The following CEP76 variants were observed in gnomAD, a reference collection of about 807,000 sequenced individuals.
The protein encoded by CEP76 is centrosomal protein 76, also known as centrosomal protein of 76 kDa.
A neutral mutation model predicts 83.3 loss-of-function variants in CEP76; 55 were observed. That is an observed-to-expected ratio of 0.66 (90% CI 0.53 to 0.83). The LOEUF (loss-of-function observed/expected upper bound fraction) is 0.83. CEP76 is among the 40% of genes least tolerant of loss of function. The pLI, the probability that CEP76 is intolerant of heterozygous loss-of-function variation, is 0.00. For synonymous variants in CEP76, 270 were observed against 274.5 expected (o/e 0.98, Z 0.16); for missense variants, 694 against 799.5 (o/e 0.87, Z 1.59).
In CEP76 at chr18:12,677,184, G is replaced by A. The variant is rs148764950; in HGVS notation, c.1623+925C>T. On this transcript the variant is annotated intron_variant, in intron 10 of 11. Coordinates refer to ENST00000262127, the MANE Select transcript of CEP76 (RefSeq NM_024899.4). ...GAGGCTTGATCTGGCTGGGCGCAGT[G>A]GCTCACAACTGTAATCCCAGCACTT... Among the ~76,000 whole-genome samples, 174 of 152,186 alleles carry A rather than the reference G, an allele frequency of 1.1e-3. 1 individual carries two copies. Among genetic ancestry groups the A allele is most frequent in the East Asian group, 7.1e-3 (37 of 5,182 alleles).
chr18:12,663,625 A>T (rs1451497612), intron 12 of CEP76, among the ~76,000 whole-genome samples: 1 of 152,230 alleles, frequency 6.6e-6, no homozygotes, highest in Non-Finnish European at 1.5e-5. Context: ...ATAATTGCTT[A>T]AAAATGGAGA....
chr18:12,699,094 C>T lies in CEP76; in HGVS notation c.405G>A (p.Thr135=), dbSNP rs144883006. 1.4e-5 allele frequency: 22 copies of T among 1,613,982 alleles called. No homozygotes were observed. The highest frequency in any genetic ancestry group is 1.7e-5 in the Admixed American group (1 of 60,012). Residue 135 remains threonine (T), a synonymous_variant, in exon 4 of 12, where the codon ACG becomes ACA. Transcript: ENST00000262127. The part of the protein sequence containing the change: ...PEPLPGQVCS[T]FTLCLHYRNQ... ...TTCGATAATGTAAACATAAAGTAAA[C>T]GTTGAACAAACTTGTCCAGGTAAAG...
intron 9 of CEP76, among the ~76,000 whole-genome samples, chr18:12,678,791 G>C (rs1330203790): frequency 6.6e-6 from 1 of 151,798 alleles, no homozygotes; most frequent in African/African-American, 2.4e-5. Context: ...CCCCGTCTCT[G>C]CTAAAAATAC....
At chr18:12,686,775 G>C (rs946654743) in intron 7 of CEP76, 3 of 184,360 alleles carry the variant, frequency 1.6e-5, no homozygotes, top group Non-Finnish European at 3.4e-5. Context: ...GGGAGGGAGA[G>C]GTGCTCTAAG....
At chr18:12,698,940 AT>A in intron 4 of CEP76, 38 bp downstream of exon 4, 1 of 1,365,370 alleles carries the variant, frequency 7.3e-7, no homozygotes, top group Non-Finnish European at 1.0e-6. Context: ...CATAACAAAG[AT>A]TTACTCAATT....
At chr18:12,676,279 C>CTTTTTTT (rs1157897766) in intron 10 of CEP76, among the ~76,000 whole-genome samples, 1 of 106,428 alleles carries the variant, frequency 9.4e-6, no homozygotes, top group Non-Finnish European at 1.9e-5. Context: ...ACAGTAATTC[C>CTTTTTTT]TTTTTTTTTT....
chr18:12,698,225 T>C (rs2040027233), intron 4 of CEP76, among the ~76,000 whole-genome samples: 2 of 151,834 alleles, frequency 1.3e-5, no homozygotes, highest in African/African-American at 2.4e-5. Context: ...TTTATAAATA[T>C]TTATTCATTT....
intron 8 of CEP76, chr18:12,685,249 C>T (rs777449775): frequency 6.6e-6 from 1 of 152,178 alleles, no homozygotes; most frequent in Non-Finnish European, 1.5e-5. Context: ...ATCCACCCAC[C>T]TCTGCCTCCC....
chr18:12,689,848 G>A (rs1373825374), intron 7 of CEP76, among the ~76,000 whole-genome samples: 1 of 152,138 alleles, frequency 6.6e-6, no homozygotes, highest in Non-Finnish European at 1.5e-5. Flanking sequence ...GGAGTGCAAT[G>A]GCGTGATCTT....
At chr18:12,666,153 C>CAA (rs35334528) in intron 12 of CEP76, among the ~76,000 whole-genome samples, 3 of 116,876 alleles carry the variant, frequency 2.6e-5, no homozygotes, top group African/African-American at 6.9e-5. Context: ...CTCATCTCTA[C>CAA]AAAAAAAAAA....
chr18:12,686,219 C>A, intron 8 of CEP76, 43 bp downstream of exon 8: 1 of 1,479,544 alleles, frequency 6.8e-7, no homozygotes, highest in Non-Finnish European at 9.3e-7. Context: ...TTCAGAGTAA[C>A]TATGATATAC....
intron 6 of CEP76, among the ~76,000 whole-genome samples, chr18:12,694,255 T>C (rs137871105): frequency 2.6e-5 from 4 of 152,258 alleles, no homozygotes; most frequent in African/African-American, 9.6e-5. Flanking sequence ...GGGCAGGACA[T>C]TGTTTGCCTG....
intron 10 of CEP76, among the ~76,000 whole-genome samples, chr18:12,675,250 G>C (rs2039081289): frequency 6.6e-6 from 1 of 152,078 alleles, no homozygotes; most frequent in Non-Finnish European, 1.5e-5. Flanking sequence ...CAAAAAATGA[G>C]TTGGGCGTGG....
chr18:12,666,436 G>GTT lies in CEP76; in HGVS notation c.*1728-4269_*1728-4268dup, dbSNP rs557490556. On this transcript the variant is annotated intron_variant and NMD_transcript_variant, in intron 12 of 12. Coordinates refer to the CEP76 transcript ENST00000590143. ...TTTTCAGGGTTAACAAAATTTTATG[G>GTT]TTTTTTTTTTTTTTTTTTTGTGAGG... Among the ~76,000 whole-genome samples, 382 of 126,584 alleles carry GTT rather than the reference G, an allele frequency of 3.0e-3. 4 individuals carry two copies. Among genetic ancestry groups the GTT allele is most frequent in the East Asian group, 0.015 (66 of 4,452 alleles). 83.0% of individuals were successfully genotyped at this position (126,584 alleles called of 152,430 possible). A position where few individuals can be genotyped will look rare whatever the true frequency, so the allele number is the denominator to read the frequency against.
downstream of CEP76, among the ~76,000 whole-genome samples, chr18:12,671,761 C>G (rs1389035064): frequency 6.6e-6 from 1 of 151,018 alleles, no homozygotes; most frequent in African/African-American, 2.4e-5. Context: ...CCGCCTCAGA[C>G]TCCCGAGTAG....
At chr18:12,675,733 A>C (rs976594159) in intron 10 of CEP76, among the ~76,000 whole-genome samples, 1 of 151,952 alleles carries the variant, frequency 6.6e-6, no homozygotes, top group African/African-American at 2.4e-5. Flanking sequence ...CAGTGGCGCG[A>C]TCTCGGCTCA....
downstream of CEP76, among the ~76,000 whole-genome samples, chr18:12,667,773 AAAAAGAAAAG>A (rs1308845197): frequency 6.7e-6 from 1 of 149,426 alleles, no homozygotes; most frequent in Non-Finnish European, 1.5e-5. Context: ...AAAAAAAAAA[AAAAAGAAAAG>A]AAAAGAAAAT....
intron 8 of CEP76, among the ~76,000 whole-genome samples, chr18:12,683,512 A>G (rs1487661553): frequency 6.6e-6 from 1 of 152,116 alleles, no homozygotes; most frequent in Non-Finnish European, 1.5e-5. Flanking sequence ...GCACTTTAGG[A>G]GGCAGAGGCG....
At chr18:12,688,702 T>C (rs150080891) in intron 7 of CEP76, among the ~76,000 whole-genome samples, 1 of 152,336 alleles carries the variant, frequency 6.6e-6, no homozygotes, top group African/African-American at 2.4e-5. Flanking sequence ...GCTATTTAAA[T>C]TTTAATTAAA....
Sources: gnomAD v4.1 joint callset for allele counts (sites outside exome capture counted in the v4.1 genomes callset) on GRCh38, gnomAD v4.1.1 for gene constraint, MANE v1.5 for transcripts, NCBI Gene and HGNC (gene_info 2026-07-23, HGNC 2026-07-21) for gene names.